Variants in NRCAM observed in about 807,000 individuals in gnomAD.
NRCAM encodes the protein neuronal cell adhesion molecule, also known as NgCAM-related cell adhesion molecule.
In NRCAM, 83 loss-of-function variants were observed where a neutral mutation model predicts 156.5. The observed-to-expected ratio is 0.53, with a 90% confidence interval of 0.44 to 0.64. The LOEUF (loss-of-function observed/expected upper bound fraction) is 0.64, where lower values mean the gene tolerates loss of function less well. Ranked by LOEUF, NRCAM falls within the 30% of genes least tolerant of loss-of-function variation. The probability of loss-of-function intolerance (pLI) is 0.00; values close to 1 mark genes in which losing one functional copy is unlikely to be tolerated. For missense variants in NRCAM, 1,417 were observed against 1,597.3 expected, an observed-to-expected ratio of 0.89 and a Z score of 1.92; for synonymous variants, 538 against 563.9, an observed-to-expected ratio of 0.95 and a Z score of 0.65.
chr7:108,389,205 T>C (rs985029898), intron 2 of NRCAM, among the ~76,000 whole-genome samples: 1 of 152,236 alleles, frequency 6.6e-6, no homozygotes, highest in Non-Finnish European at 1.5e-5. Context: ...GAAATGTTCT[T>C]CCATTTGTTT....
chr7:108,149,788 A>T lies in NRCAM; in HGVS notation c.*122T>A. ...ATGTTTTTGCTGTAACTATTCTCAT[A>T]ATACTAACATACAGCAGAAAATATA... On this transcript the variant is annotated 3_prime_UTR_variant, in exon 33 of 33. Coordinates refer to ENST00000379028, the MANE Select transcript of NRCAM (RefSeq NM_001037132.4). The T allele has an allele frequency of 1.3e-6, 1 of 778,414 alleles. No individual in the cohort carries two copies. Among genetic ancestry groups the T allele is most frequent in the Non-Finnish European group, 2.1e-6 (1 of 471,500 alleles). The allele number at this position is 778,414 out of a possible 1,614,324, so 48.2% of individuals were successfully genotyped here.
intron 20 of NRCAM, 81 bp from the exon 21 acceptor site, chr7:108,184,695 G>C (rs1173410012): frequency 1.8e-5 from 21 of 1,154,666 alleles, no homozygotes; most frequent in Non-Finnish European, 2.3e-5. Flanking sequence ...AACTAACAGG[G>C]CAACCCAACA....
chr7:108,162,671 C>T (rs2049950874), intron 30 of NRCAM, among the ~76,000 whole-genome samples: 1 of 152,162 alleles, frequency 6.6e-6, no homozygotes, highest in African/African-American at 2.4e-5. Flanking sequence ...ACACAAACAT[C>T]CACATTCACT....
At chr7:108,433,120 C>T (rs1827771367) in intron 1 of NRCAM, among the ~76,000 whole-genome samples, 1 of 152,128 alleles carries the variant, frequency 6.6e-6, no homozygotes, top group South Asian at 2.1e-4. Flanking sequence ...TTTGTTCCCA[C>T]CCATCCCAGT....
At chr7:108,153,028 A>G (rs1313368818) in intron 32 of NRCAM, among the ~76,000 whole-genome samples, 1 of 152,136 alleles carries the variant, frequency 6.6e-6, no homozygotes, top group African/African-American at 2.4e-5. Flanking sequence ...GGGAGGGGAA[A>G]ATCAATGGTT....
intron 1 of NRCAM, among the ~76,000 whole-genome samples, chr7:108,444,935 G>T (rs926305120): frequency 6.6e-6 from 1 of 152,136 alleles, no homozygotes; most frequent in Non-Finnish European, 1.5e-5. Context: ...CTTCACTGAG[G>T]TGCAGAGGAA....
At chr7:108,347,260 T>C (rs1218429517) in intron 2 of NRCAM, among the ~76,000 whole-genome samples, 5 of 152,136 alleles carry the variant, frequency 3.3e-5, no homozygotes, top group Non-Finnish European at 7.4e-5. Flanking sequence ...ATGGTCTCGA[T>C]CTCCTGACCT....
chr7:108,244,120 ATTT>A (rs2095734468), intron 3 of NRCAM, among the ~76,000 whole-genome samples: 1 of 152,116 alleles, frequency 6.6e-6, no homozygotes, highest in Non-Finnish European at 1.5e-5. Flanking sequence ...GGAGGAAATT[ATTT>A]TAATGAAAAA....
At chr7:108,293,487 G>A (rs1169839613) in intron 3 of NRCAM, among the ~76,000 whole-genome samples, 1 of 152,158 alleles carries the variant, frequency 6.6e-6, no homozygotes, top group African/African-American at 2.4e-5. Flanking sequence ...AAATTGACAA[G>A]CAACGCTGAT....
intron 7 of NRCAM, among the ~76,000 whole-genome samples, chr7:108,231,733 A>T (rs2094362355): frequency 6.6e-6 from 1 of 152,128 alleles, no homozygotes; most frequent in Non-Finnish European, 1.5e-5. Flanking sequence ...ACAGTTTTTA[A>T]ATTTCTTTTT....
At chr7:108,409,095 G>A (rs559468753) in intron 1 of NRCAM, among the ~76,000 whole-genome samples, 1 of 152,306 alleles carries the variant, frequency 6.6e-6, no homozygotes, top group African/African-American at 2.4e-5. Context: ...CACGGCCCCA[G>A]AGGAGTGAGA....
chr7:108,393,489 T>C (rs1158176733), intron 2 of NRCAM, among the ~76,000 whole-genome samples: 1 of 152,140 alleles, frequency 6.6e-6, no homozygotes, highest in African/African-American at 2.4e-5. Flanking sequence ...TGTCACAGAT[T>C]CCCTTGGCTA....
intron 31 of NRCAM, 53 bp from the exon 32 acceptor site, chr7:108,159,594 C>T: frequency 7.2e-7 from 1 of 1,386,052 alleles, no homozygotes; most frequent in Non-Finnish European, 1.0e-6. Context: ...CTTTCTTATT[C>T]AAAGTCCATG....
chr7:108,431,619 C>A (rs181042499), intron 1 of NRCAM, among the ~76,000 whole-genome samples: 3 of 151,836 alleles, frequency 2.0e-5, no homozygotes, highest in African/African-American at 4.8e-5. Flanking sequence ...TTCATCTCTA[C>A]GAAAAAAATA....
intron 1 of NRCAM, among the ~76,000 whole-genome samples, chr7:108,444,974 A>G (rs1056265150): frequency 2.0e-5 from 3 of 152,210 alleles, no homozygotes; most frequent in Non-Finnish European, 4.4e-5. Flanking sequence ...CCTCAACTGT[A>G]TATACAAACC....
chr7:108,371,830 T>G (rs1189324388), intron 2 of NRCAM, among the ~76,000 whole-genome samples: 1 of 152,162 alleles, frequency 6.6e-6, no homozygotes. Context: ...CAATGCTTAT[T>G]AAAATCTCAA....
At chr7:108,247,866 A>T (rs986216498) in intron 3 of NRCAM, among the ~76,000 whole-genome samples, 2 of 152,314 alleles carry the variant, frequency 1.3e-5, no homozygotes, top group Middle Eastern at 3.4e-3. Flanking sequence ...GGGCAAGCCA[A>T]ACCACAGGGA....
chr7:108,216,387 G>T (rs2088901413), intron 11 of NRCAM, among the ~76,000 whole-genome samples: 1 of 152,106 alleles, frequency 6.6e-6, no homozygotes, highest in Non-Finnish European at 1.5e-5. Context: ...ATGATTATTT[G>T]TCTTGGGGTT....
intron 1 of NRCAM, among the ~76,000 whole-genome samples, chr7:108,455,478 G>A (rs115016494): frequency 6.6e-6 from 1 of 151,962 alleles, no homozygotes; most frequent in Non-Finnish European, 1.5e-5. Flanking sequence ...CGGTGCGCCG[G>A]CCCCGACAAG....
Sources: allele counts gnomAD v4.1 joint callset (sites outside exome capture counted in the v4.1 genomes callset), GRCh38; gene constraint gnomAD v4.1.1; transcripts MANE v1.5; gene names NCBI Gene and HGNC (gene_info 2026-07-23, HGNC 2026-07-21).